The following NTN4 variants were observed in gnomAD, a reference collection of about 807,000 sequenced individuals.
The protein encoded by NTN4 is netrin 4.
In NTN4, 32 loss-of-function variants were observed where a neutral mutation model predicts 73.6. The observed-to-expected ratio is 0.44, with a 90% CI of 0.33 to 0.58. The LOEUF (loss-of-function observed/expected upper bound fraction) is 0.58, where lower values mean the gene tolerates loss of function less well. Among genes scored for constraint, NTN4 ranks in the 20% least tolerant of loss-of-function variants. The pLI, the probability that NTN4 is intolerant of heterozygous loss-of-function variation, is 0.04. For synonymous variants in NTN4, 258 were observed against 287.5 expected (o/e 0.90, Z 1.04); for missense variants, 654 against 798.3 (o/e 0.82, Z 2.18).
intron 5 of NTN4, among the ~76,000 whole-genome samples, chr12:95,709,425 A>G (rs541212434): frequency 6.6e-6 from 1 of 152,360 alleles, no homozygotes; most frequent in Non-Finnish European, 1.5e-5. Context: ...TTACATTCAC[A>G]TAATTCAGAT....
intron 6 of NTN4, 23 bp downstream of exon 6, chr12:95,683,475 G>C (rs1158666800): frequency 1.2e-6 from 2 of 1,602,788 alleles, no homozygotes; most frequent in Non-Finnish European, 1.7e-6. Flanking sequence ...ATGCAGCTGA[G>C]AGCAAGAGCC....
chr12:95,668,996 T>C lies in NTN4; in HGVS notation c.1579+1082A>G, dbSNP rs1010216224. Among the ~76,000 whole-genome samples the C allele has an allele frequency of 1.8e-4, 27 of 152,156 alleles. 1 individual carries two copies. The highest frequency in any genetic ancestry group is 6.3e-4 in the African/African-American group (26 of 41,454). On this transcript the variant is annotated intron_variant, in intron 8 of 9. Coordinates refer to ENST00000343702, the MANE Select transcript of NTN4 (RefSeq NM_021229.4). ...AAAATTAGCCGGGCATGGTGGCACA[T>C]GCCTGTAGTCCCAGCTACCTGGGAG...
chr12:95,699,364 G>A (rs1437026597), intron 5 of NTN4, among the ~76,000 whole-genome samples: 1 of 152,178 alleles, frequency 6.6e-6, no homozygotes, highest in Non-Finnish European at 1.5e-5. Flanking sequence ...TTGTGGTAAG[G>A]TATTCTGGAT....
intron 3 of NTN4, among the ~76,000 whole-genome samples, chr12:95,728,338 G>T (rs987077241): frequency 1.3e-5 from 2 of 152,138 alleles, no homozygotes; most frequent in Non-Finnish European, 2.9e-5. Context: ...AATAGAAGGG[G>T]TGAGAGCAGA....
At chr12:95,700,080 A>ATTTTTTTGTTTTTTTTTTTTT (rs2078471935) in intron 5 of NTN4, among the ~76,000 whole-genome samples, 1 of 41,788 alleles carries the variant, frequency 2.4e-5, no homozygotes, top group Non-Finnish European at 4.3e-5. Flanking sequence ...TAAAGTGAGG[A>ATTTTTTTGTTTTTTTTTTTTT]TTTTTTTTTT....
chr12:95,707,013 A>C (rs1048032828), intron 5 of NTN4, among the ~76,000 whole-genome samples: 22 of 152,228 alleles, frequency 1.4e-4, no homozygotes, highest in Non-Finnish European at 2.9e-4. Context: ...CAAGAGCCAC[A>C]CTTTGAGAAT....
intron 3 of NTN4, among the ~76,000 whole-genome samples, chr12:95,729,143 G>A (rs2078717187): frequency 6.6e-6 from 1 of 152,062 alleles, no homozygotes; most frequent in South Asian, 2.1e-4. Context: ...TGCCCTTAGA[G>A]ATGCAAAATT....
chr12:95,765,535 G>A (rs1413490443), intron 2 of NTN4, among the ~76,000 whole-genome samples: 2 of 152,308 alleles, frequency 1.3e-5, no homozygotes, highest in Middle Eastern at 3.4e-3. Flanking sequence ...CCTAACTTAC[G>A]ACTGGGTTGT....
intron 9 of NTN4, chr12:95,663,773 A>C (rs2078156775): frequency 6.6e-6 from 1 of 152,136 alleles, no homozygotes; most frequent in African/African-American, 2.4e-5. Flanking sequence ...ATTGTGATGA[A>C]CTCAGTTGAT....
intron 2 of NTN4, among the ~76,000 whole-genome samples, chr12:95,778,742 G>A (rs2079111930): frequency 1.3e-5 from 2 of 151,620 alleles, no homozygotes; most frequent in South Asian, 2.1e-4. Context: ...ACAAGGAGGA[G>A]CTGGTACCAT....
intron 1 of NTN4, among the ~76,000 whole-genome samples, chr12:95,787,966 T>C (rs1301915147): frequency 6.6e-6 from 1 of 152,178 alleles, no homozygotes; most frequent in Non-Finnish European, 1.5e-5. Context: ...ATTATGAGAA[T>C]GTATTTAGAA....
intron 2 of NTN4, among the ~76,000 whole-genome samples, chr12:95,773,691 A>G (rs2079072991): frequency 6.6e-6 from 1 of 151,462 alleles, no homozygotes; most frequent in Non-Finnish European, 1.5e-5. Context: ...CCCCATCTCA[A>G]CATAAGCCTC....
At chr12:95,678,142 C>T (rs2078287639) in intron 7 of NTN4, among the ~76,000 whole-genome samples, 1 of 151,238 alleles carries the variant, frequency 6.6e-6, no homozygotes, top group Non-Finnish European at 1.5e-5. Context: ...ACAATGAGAA[C>T]ACATGGACAC....
At chr12:95,747,859 A>G (rs927899149) in intron 2 of NTN4, among the ~76,000 whole-genome samples, 34 of 152,284 alleles carry the variant, frequency 2.2e-4, no homozygotes, top group African/African-American at 7.5e-4. Flanking sequence ...AAACTTTATC[A>G]CTTAAAAAAT....
At position 95,786,988 on chromosome 12, in the gene NTN4, G is replaced by A; in HGVS notation, c.536C>T (p.Ala179Val). 6.2e-7 allele frequency: 1 copy of A among 1,614,170 alleles called. No homozygotes were observed. The highest frequency in any genetic ancestry group is 2.2e-5 in the East Asian group (1 of 44,884). The part of the protein sequence containing the change: ...GLEDDVVKKG[A>V]ICTSKYSSPF... The stretch of plus-strand genomic sequence containing the variant: ...ACTGGAGTATTTAGAAGTACAAATA[G>A]CGCCCTTCTTGACAACATCATCTTC... Residue 179 changes from alanine to valine, a missense_variant, in exon 2 of 10, where the codon GCT becomes GTT. Coordinates refer to ENST00000343702, the MANE Select transcript of NTN4 (RefSeq NM_021229.4).
At chr12:95,758,185 T>C (rs574678623) in intron 2 of NTN4, among the ~76,000 whole-genome samples, 2 of 152,356 alleles carry the variant, frequency 1.3e-5, no homozygotes, top group South Asian at 4.1e-4. Context: ...CTATTTTGCA[T>C]TTCTAGCAGC....
At chr12:95,773,255 C>T (rs1412084006) in intron 2 of NTN4, among the ~76,000 whole-genome samples, 1 of 152,136 alleles carries the variant, frequency 6.6e-6, no homozygotes, top group Non-Finnish European at 1.5e-5. Flanking sequence ...TCACCAGCCT[C>T]GGCCTCCCAA....
Position 95,698,807 on chromosome 12 carries a change from T to C in NTN4, c.1180+11634A>G, listed in dbSNP as rs952665592. 6.6e-5 allele frequency among the ~76,000 whole-genome samples: 10 copies of C among 152,068 alleles called. No individual in the cohort carries two copies. The East Asian group carries it at 1.7e-3, about 26-fold the overall frequency. ...AGGAGTTTGAGGCTGCAATGAGCCA[T>C]GTTCATGACACTGCACTCCAGCCTG... is the stretch of plus-strand genomic sequence containing the variant. On this transcript the variant is annotated intron_variant, in intron 5 of 9. Coordinates refer to ENST00000343702, the MANE Select transcript of NTN4 (RefSeq NM_021229.4).
intron 7 of NTN4, among the ~76,000 whole-genome samples, chr12:95,679,009 CA>C (rs2078295666): frequency 6.6e-6 from 1 of 152,018 alleles, no homozygotes; most frequent in Non-Finnish European, 1.5e-5. Context: ...AGAAAAGTGA[CA>C]AATGCTATTG....
Sources: allele counts gnomAD v4.1 joint callset (sites outside exome capture counted in the v4.1 genomes callset), GRCh38; gene constraint gnomAD v4.1.1; transcripts MANE v1.5; gene names NCBI Gene and HGNC (gene_info 2026-07-23, HGNC 2026-07-21).